The following SPAG9 variants were observed in gnomAD, a reference collection of about 807,000 sequenced individuals.
The protein encoded by SPAG9 is sperm associated antigen 9, also known as C-Jun-amino-terminal kinase-interacting protein 4.
SPAG9 carries 35 observed loss-of-function variants against 166.5 expected under a neutral mutation model. The observed-to-expected ratio is 0.21, with a 90% CI of 0.16 to 0.28. The LOEUF (loss-of-function observed/expected upper bound fraction) is 0.28. Among genes scored for constraint, SPAG9 ranks in the 10% least tolerant of loss-of-function variants. The probability of loss-of-function intolerance (pLI) is 1.00; values close to 1 mark genes in which losing one functional copy is unlikely to be tolerated. For missense variants in SPAG9, 1,235 were observed against 1,603.3 expected, an observed-to-expected ratio of 0.77 and a Z score of 3.92; for synonymous variants, 534 against 565.5, an observed-to-expected ratio of 0.94 and a Z score of 0.79.
At position 50,984,975 on chromosome 17, in the gene SPAG9, G is replaced by A. The variant is rs1223043758; in HGVS notation, c.3036C>T (p.Ile1012=). ...TGCCGTCAGCCAGGGCTACTAACAC[G>A]ATTCCCTTCACGTGTCTGCAAACAG... The part of the protein sequence containing the change: ...SILSIVHVKG[I]VLVALADGTL... The change falls in exon 24 of 30, where the codon ATC becomes ATT. Residue 1012 remains isoleucine (I), a synonymous_variant. Transcript: ENST00000262013. The A allele has an allele frequency of 1.1e-5, 18 of 1,613,964 alleles. No homozygotes were observed. The highest frequency in any genetic ancestry group is 2.2e-5 in the South Asian group (2 of 91,088).
At chr17:51,054,365 C>T (rs1255325720) in intron 3 of SPAG9, among the ~76,000 whole-genome samples, 1 of 151,600 alleles carries the variant, frequency 6.6e-6, no homozygotes, top group African/African-American at 2.4e-5. Context: ...TTAAGTGATC[C>T]GCTCACCTTG....
At chr17:51,052,898 A>G (rs2047220110) in intron 3 of SPAG9, among the ~76,000 whole-genome samples, 1 of 151,968 alleles carries the variant, frequency 6.6e-6, no homozygotes, top group East Asian at 1.9e-4. Context: ...ATCTCTATGA[A>G]AAATGCAAAA....
chr17:51,111,899 A>G (rs1400677998), intron 1 of SPAG9, among the ~76,000 whole-genome samples: 4 of 152,052 alleles, frequency 2.6e-5, no homozygotes, highest in Non-Finnish European at 5.9e-5. Context: ...CACCATGCGT[A>G]GCGTTCTTTT....
intron 1 of SPAG9, among the ~76,000 whole-genome samples, chr17:51,080,427 C>G (rs936484721): frequency 5.9e-5 from 9 of 151,954 alleles, no homozygotes; most frequent in African/African-American, 2.2e-4. Flanking sequence ...GACACATCTT[C>G]TCTTCCTTGT....
intron 25 of SPAG9, among the ~76,000 whole-genome samples, chr17:50,982,321 A>G (rs1974724827): frequency 6.6e-6 from 1 of 152,240 alleles, no homozygotes; most frequent in South Asian, 2.1e-4. Context: ...CCTTTTTTAA[A>G]AAGCCACTTT....
chr17:51,116,748 A>G (rs1429671535), intron 1 of SPAG9, among the ~76,000 whole-genome samples: 2 of 152,216 alleles, frequency 1.3e-5, no homozygotes, highest in African/African-American at 4.8e-5. Context: ...TAGGCGATTG[A>G]GACTCTGTCT....
chr17:51,068,379 C>T (rs1346319783), intron 2 of SPAG9, among the ~76,000 whole-genome samples: 1 of 152,142 alleles, frequency 6.6e-6, no homozygotes, highest in African/African-American at 2.4e-5. Context: ...TATTTTAAAG[C>T]TATCATGAAT....
chr17:51,079,503 T>G (rs747438003), intron 2 of SPAG9, 81 bp downstream of exon 2: 2 of 1,384,522 alleles, frequency 1.4e-6, no homozygotes, highest in East Asian at 2.3e-5. Context: ...CCTCCCAAAG[T>G]GCTGGGATTA....
chr17:51,033,829 T>C (rs1568023648), intron 5 of SPAG9, among the ~76,000 whole-genome samples: 1 of 152,176 alleles, frequency 6.6e-6, no homozygotes, highest in Non-Finnish European at 1.5e-5. Flanking sequence ...TTAAACAACT[T>C]CTCCTATTCT....
At position 51,066,567 on chromosome 17, in the gene SPAG9, G is replaced by GAAAAAAAAAAA. The variant is rs71149340; in HGVS notation, c.425-10096_425-10086dup. The stretch of plus-strand genomic sequence containing the variant: ...GAGACTCTGTCTCAAAAAAAAAAAA[G>GAAAAAAAAAAA]AAAAAAAAAAAAAAGACCATGGCTC... On this transcript the variant is annotated intron_variant, in intron 2 of 29. Coordinates refer to ENST00000262013, the MANE Select transcript of SPAG9 (RefSeq NM_001130528.3). Among the ~76,000 whole-genome samples, 23 of 110,832 alleles carry GAAAAAAAAAAA rather than the reference G, an allele frequency of 2.1e-4. 1 individual carries two copies. Among genetic ancestry groups the GAAAAAAAAAAA allele is most frequent in the Admixed American group, 4.4e-4 (4 of 9,190 alleles). 72.7% of individuals were successfully genotyped at this position (110,832 alleles called of 152,430 possible).
chr17:51,112,866 T>A (rs922845148), intron 1 of SPAG9, among the ~76,000 whole-genome samples: 2 of 149,454 alleles, frequency 1.3e-5, no homozygotes, highest in African/African-American at 4.9e-5. Context: ...TCACAGCTGC[T>A]CAGAGGCTGA....
At chr17:51,057,337 GA>G (rs2047389206) in intron 2 of SPAG9, among the ~76,000 whole-genome samples, 1 of 152,176 alleles carries the variant, frequency 6.6e-6, no homozygotes, top group Admixed American at 6.5e-5. Flanking sequence ...GCTGGTGCTA[GA>G]GGAGTTTATC....
At chr17:51,051,300 A>C (rs2047176884) in intron 3 of SPAG9, among the ~76,000 whole-genome samples, 1 of 152,012 alleles carries the variant, frequency 6.6e-6, no homozygotes, top group African/African-American at 2.4e-5. Context: ...GTAGAAATGG[A>C]GTTTCACCAT....
chr17:51,065,128 A>AAT (rs1257464111), intron 2 of SPAG9, among the ~76,000 whole-genome samples: 3 of 152,152 alleles, frequency 2.0e-5, no homozygotes, highest in African/African-American at 7.2e-5. Flanking sequence ...CATCTCAAAA[A>AAT]ATATATATAT....
rs944277617 is a variant in SPAG9 at position 50,975,738 on chromosome 17, G to A, written c.3524-791C>T. The A allele has an allele frequency of 2.4e-4, 149 of 632,512 alleles. 1 individual carries two copies. Among genetic ancestry groups the A allele is most frequent in the South Asian group, 1.9e-3 (98 of 50,878 alleles). The allele number at this position is 632,512 out of a possible 1,614,324, so 39.2% of individuals were successfully genotyped here. On this transcript the variant is annotated intron_variant, in intron 27 of 29. Coordinates refer to ENST00000262013, the MANE Select transcript of SPAG9 (RefSeq NM_001130528.3). Reference sequence around the variant, plus strand: ...AAAAAAAAAAAAAGACACCTGCTGCGATGCAGTGACTGCAAGTGGATAACA... The same window carrying A: ...AAAAAAAAAAAAAGACACCTGCTGCAATGCAGTGACTGCAAGTGGATAACA...
chr17:51,021,143 A>C lies in SPAG9; in HGVS notation c.991+15T>G. On this transcript the variant is annotated intron_variant, in intron 7 of 29. Transcript: ENST00000262013. ...TGAATACTTTCCTAGTAAGTAAAGA[A>C]CTAGGGTCACTCACCAGTAGATACA... 1 of 1,606,350 alleles carries C rather than the reference A, an allele frequency of 6.2e-7. No individual in the cohort carries two copies. Among genetic ancestry groups the C allele is most frequent in the Non-Finnish European group, 8.5e-7 (1 of 1,173,026 alleles).
At chr17:51,057,400 C>T (rs1442703123) in intron 2 of SPAG9, among the ~76,000 whole-genome samples, 2 of 152,158 alleles carry the variant, frequency 1.3e-5, no homozygotes, top group Non-Finnish European at 2.9e-5. Context: ...AAAATGTTCC[C>T]TGGGTTTAAG....
rs1000313956 is a variant in SPAG9, at chr17:50,964,020, A to T, written c.*2252T>A. On this transcript the variant is annotated 3_prime_UTR_variant, in exon 30 of 30. Transcript: ENST00000262013. ...GTGTACACAATGTGCTTATAGTCAC[A>T]TGTGGCCCAATGGATCCAAATGCCT... 6.6e-6 allele frequency: 1 copy of T among 152,226 alleles called. No individual in the cohort carries two copies. Among genetic ancestry groups the T allele is most frequent in the African/African-American group, 2.4e-5 (1 of 41,474 alleles). The allele number at this position is 152,226 out of a possible 1,614,324, so 9.4% of individuals were successfully genotyped here. A position where few individuals can be genotyped will look rare whatever the true frequency, so the allele number is the denominator to read the frequency against.
intron 1 of SPAG9, among the ~76,000 whole-genome samples, chr17:51,107,007 C>T (rs1299604010): frequency 1.4e-5 from 2 of 143,566 alleles, no homozygotes; most frequent in African/African-American, 5.2e-5. Context: ...AAGGCTGAGG[C>T]AGAAGAATCG....
Sources: gnomAD v4.1 joint callset for allele counts (sites outside exome capture counted in the v4.1 genomes callset) on GRCh38, gnomAD v4.1.1 for gene constraint, MANE v1.5 for transcripts, NCBI Gene and HGNC (gene_info 2026-07-23, HGNC 2026-07-21) for gene names.